The following MYH9 variants were observed in gnomAD, a reference collection of about 807,000 sequenced individuals.
The protein encoded by MYH9 is myosin-9.
A neutral mutation model predicts 241.9 loss-of-function variants in MYH9; 29 were observed. That is an observed-to-expected ratio of 0.12 (90% confidence interval 0.09 to 0.16). MYH9 has a LOEUF of 0.16. Among genes scored for constraint, MYH9 ranks in the 10% least tolerant of loss-of-function variants. The pLI is 1.00. For missense variants in MYH9, 1,803 were observed against 2,595.5 expected, an observed-to-expected ratio of 0.69 and a Z score of 6.63; for synonymous variants, 1,047 against 1,062.6, an observed-to-expected ratio of 0.99 and a Z score of 0.29.
intron 11 of MYH9, 56 bp from the exon 12 acceptor site, chr22:36,316,725 A>C (rs2017158712): frequency 1.9e-6 from 3 of 1,606,182 alleles, no homozygotes; most frequent in Admixed American, 1.7e-5. Flanking sequence ...GAAAACCCTC[A>C]TACCCTATGC....
intron 39 of MYH9, 25 bp from the exon 40 acceptor site, chr22:36,284,290 T>C: frequency 6.2e-7 from 1 of 1,606,124 alleles, no homozygotes; most frequent in Non-Finnish European, 8.5e-7. Context: ...GTGTGGCCCG[T>C]GGCCCCGGTT....
intron 2 of MYH9, among the ~76,000 whole-genome samples, chr22:36,346,066 G>A (rs2017672688): frequency 6.6e-6 from 1 of 151,322 alleles, no homozygotes; most frequent in Non-Finnish European, 1.5e-5. Context: ...AGAATCGCTT[G>A]AACCCGGGAG....
chr22:36,353,868 T>C lies in MYH9; in HGVS notation c.-19-4613A>G, dbSNP rs147797253. Among the ~76,000 whole-genome samples the C allele has an allele frequency of 2.5e-3, 385 of 152,286 alleles. 3 individuals carry two copies. Among genetic ancestry groups the C allele is most frequent in the Middle Eastern group, 0.017 (5 of 294 alleles). On this transcript the variant is annotated intron_variant, in intron 1 of 40. Coordinates refer to ENST00000216181, the MANE Select transcript of MYH9 (RefSeq NM_002473.6). The stretch of plus-strand genomic sequence containing the variant: ...TTTCAGATTTTGTATTTTCCTTACT[T>C]ACTGTGACTATTTTCCTGTAGGGCT...
In MYH9 at chr22:36,288,359, C is replaced by T; in HGVS notation, c.4825G>A (p.Val1609Met). The change falls in exon 34 of 41, where the codon GTG (valine) becomes ATG (methionine). Residue 1609 changes from valine to methionine, a missense_variant. Around this residue, in one of 11 missense-constraint regions of MYH9, gnomAD observed 876 missense variants for 1,077.8 expected, o/e 0.81. Transcript: ENST00000216181. This position sits in a 1 kb window ranked among gnomAD's most constrained non-coding sequence, Gnocchi z 4.8. The stretch of plus-strand genomic sequence containing the variant: ...ATCTCCAGCTTCTTCCGGGCGGCCA[C>T]TGCCATCGAGCGCTGCTTCCTCTCG... ...EDERKQRSMAVAARKKLEMDL... is the reference protein window; with the variant it reads ...EDERKQRSMAMAARKKLEMDL... The T allele has an allele frequency of 6.2e-7, 1 of 1,613,904 alleles. No homozygotes were observed. Among genetic ancestry groups the T allele is most frequent in the Non-Finnish European group, 8.5e-7 (1 of 1,180,036 alleles).
intron 7 of MYH9, 100 bp downstream of exon 7, chr22:36,321,658 A>T: frequency 8.7e-7 from 1 of 1,155,732 alleles, no homozygotes; most frequent in South Asian, 1.2e-5. Context: ...ATGGGCCCAT[A>T]AAGGGGAAAG....
At chr22:36,319,235 G>A (rs1318156742) in intron 10 of MYH9, among the ~76,000 whole-genome samples, 1 of 152,172 alleles carries the variant, frequency 6.6e-6, no homozygotes, top group African/African-American at 2.4e-5. Flanking sequence ...TCACAGGCAA[G>A]GCTCCCATTA....
At chr22:36,364,215 A>G (rs769094867) in intron 1 of MYH9, among the ~76,000 whole-genome samples, 6 of 152,190 alleles carry the variant, frequency 3.9e-5, no homozygotes, top group Non-Finnish European at 8.8e-5. Context: ...TTTAAATCAC[A>G]CAAAAAAAGC....
In MYH9 at chr22:36,286,825, G is replaced by A. The variant is rs1247989971; in HGVS notation, c.4954C>T (p.Arg1652Cys). Residue 1652 changes from arginine (R) to cysteine (C), a missense_variant, in exon 35 of 41, where the codon CGC (arginine) becomes TGC (cysteine). By Grantham distance (180) the Arg-to-Cys change is radical. Coordinates refer to ENST00000216181, the MANE Select transcript of MYH9 (RefSeq NM_002473.6). ...GAGGCGCGGGTGTCATCCAGCTCGC[G>A]CATGCAGTCCTTCATCTGGGCCTGG... ...KLQAQMKDCM[R>C]ELDDTRASRE... is the part of the protein sequence containing the mutation. 1 of 1,609,664 alleles carries A rather than the reference G, an allele frequency of 6.2e-7. No individual in the cohort carries two copies. Among genetic ancestry groups the A allele is most frequent in the Non-Finnish European group, 8.5e-7 (1 of 1,180,014 alleles).
chr22:36,302,476 C>T, intron 20 of MYH9, 92 bp downstream of exon 20: 1 of 1,141,202 alleles, frequency 8.8e-7, no homozygotes, highest in Non-Finnish European at 1.3e-6. Context: ...GGTGAGACCA[C>T]ACCTCTACAA....
intron 23 of MYH9, among the ~76,000 whole-genome samples, chr22:36,299,806 C>T (rs1318771457): frequency 6.6e-6 from 1 of 152,184 alleles, no homozygotes; most frequent in Admixed American, 6.6e-5. Flanking sequence ...CAAGGTGTCC[C>T]CAACCCCACA....
intron 3 of MYH9, among the ~76,000 whole-genome samples, chr22:36,338,781 C>T (rs1039500571): frequency 1.3e-5 from 2 of 150,558 alleles, no homozygotes; most frequent in African/African-American, 4.9e-5. Flanking sequence ...GATCGTGCCA[C>T]TGCACTCCAG....
At chr22:36,291,683 T>TAAA (rs66686435) in intron 31 of MYH9, among the ~76,000 whole-genome samples, 10 of 86,886 alleles carry the variant, frequency 1.2e-4, no homozygotes, top group East Asian at 6.4e-4. Context: ...ATAAAAAAAT[T>TAAA]AAAAAAAAAA....
In MYH9 at chr22:36,288,369, G is replaced by A; in HGVS notation, c.4815C>T (p.Arg1605=). The change falls in exon 34 of 41, where the codon CGC becomes CGT. Residue 1605 remains arginine, a synonymous_variant. Coordinates refer to ENST00000216181, the MANE Select transcript of MYH9 (RefSeq NM_002473.6). This position sits in a 1 kb window ranked among gnomAD's most constrained non-coding sequence, Gnocchi z 4.8. ...EAELEDERKQ[R]SMAVAARKKL... ...TCTTCCGGGCGGCCACTGCCATCGA[G>A]CGCTGCTTCCTCTCGTCCTCCAGCT... 6.2e-7 allele frequency: 1 copy of A among 1,613,570 alleles called. No individual in the cohort carries two copies.
At chr22:36,296,540 C>CTTTTTTTTTTTTTTTT (rs67917055) in intron 25 of MYH9, among the ~76,000 whole-genome samples, 1 of 100,890 alleles carries the variant, frequency 9.9e-6, no homozygotes, top group Non-Finnish European at 2.0e-5. Context: ...CTGGTCAAGT[C>CTTTTTTTTTTTTTTTT]TTTTTTTTTT....
At chr22:36,312,299 G>T in intron 13 of MYH9, 77 bp from the exon 14 acceptor site, 1 of 1,459,638 alleles carries the variant, frequency 6.9e-7, no homozygotes. Flanking sequence ...CCAAAGCCCG[G>T]ACATCAGAAT....
chr22:36,284,907 G>T (rs1464836001), intron 38 of MYH9, among the ~76,000 whole-genome samples: 3 of 152,112 alleles, frequency 2.0e-5, no homozygotes, highest in African/African-American at 7.2e-5. Context: ...AAAACTCCTG[G>T]CTTTAGAGGT....
intron 40 of MYH9, 113 bp from the exon 41 acceptor site, chr22:36,282,898 G>T: frequency 1.1e-6 from 1 of 936,948 alleles, no homozygotes; most frequent in Non-Finnish European, 1.6e-6. Context: ...GTGCCTGGCT[G>T]CTCCCACCAG....
intron 1 of MYH9, among the ~76,000 whole-genome samples, chr22:36,378,370 TG>T (rs1222562785): frequency 6.6e-6 from 1 of 152,136 alleles, no homozygotes; most frequent in African/African-American, 2.4e-5. Flanking sequence ...ACGGTGCAGA[TG>T]GGAAAACTAA....
At chr22:36,378,973 A>G (rs1169237313) in intron 1 of MYH9, among the ~76,000 whole-genome samples, 4 of 147,690 alleles carry the variant, frequency 2.7e-5, no homozygotes, top group South Asian at 2.1e-4. Flanking sequence ...TCTAATTAGG[A>G]AAAAAAAAAA....
Sources: allele counts gnomAD v4.1 joint callset (sites outside exome capture counted in the v4.1 genomes callset), GRCh38; gene constraint gnomAD v4.1.1; regional missense constraint gnomAD v4.1.1; non-coding constraint Gnocchi (gnomAD v3.1); transcripts MANE v1.5; gene names NCBI Gene and HGNC (gene_info 2026-07-23, HGNC 2026-07-21).